The following PCDH7 variants were observed in gnomAD, a reference collection of about 807,000 sequenced individuals.
The protein encoded by PCDH7 is protocadherin-7.
In PCDH7, 17 loss-of-function variants were observed where a neutral mutation model predicts 58.9. The observed-to-expected ratio is 0.29, with a 90% confidence interval of 0.20 to 0.43. The LOEUF is 0.43. Ranked by LOEUF, PCDH7 falls within the 20% of genes least tolerant of loss-of-function variation. The pLI, the probability that PCDH7 is intolerant of heterozygous loss-of-function variation, is 1.00. For missense variants in PCDH7, 1,274 were observed against 1,441.0 expected (o/e 0.88, Z 1.88); for synonymous variants, 664 against 616.4 (o/e 1.08, Z -1.14).
intron 1 of PCDH7, among the ~76,000 whole-genome samples, chr4:30,852,105 T>C (rs1227002775): frequency 6.6e-6 from 1 of 152,128 alleles, no homozygotes; most frequent in Non-Finnish European, 1.5e-5. Flanking sequence ...CAGTATTTTC[T>C]TATGTAAGAA....
chr4:31,075,985 A>G (rs1009914018), intron 3 of PCDH7, among the ~76,000 whole-genome samples: 7 of 152,112 alleles, frequency 4.6e-5, no homozygotes, highest in South Asian at 2.1e-4. Flanking sequence ...AAATTTCCCA[A>G]TGTAGGTTAT....
chr4:30,750,654 CT>C (rs1340688029), intron 1 of PCDH7, among the ~76,000 whole-genome samples: 10 of 152,228 alleles, frequency 6.6e-5, no homozygotes, highest in African/African-American at 1.9e-4. Flanking sequence ...GTTTTTGCCA[CT>C]TTCTACTGTA....
chr4:30,764,595 TGTTAACTTTGAAATACCAGCCTTAG>T (rs1178009622), intron 1 of PCDH7, among the ~76,000 whole-genome samples: 1 of 152,206 alleles, frequency 6.6e-6, no homozygotes, highest in Non-Finnish European at 1.5e-5. Flanking sequence ...AAATGCACTG[TGTTAACTTTGAAATACCAGCCTTAG>T]GTTTCACTAG....
chr4:30,876,185 C>A (rs1354344634), intron 1 of PCDH7, among the ~76,000 whole-genome samples: 3 of 152,050 alleles, frequency 2.0e-5, no homozygotes, highest in African/African-American at 4.8e-5. Flanking sequence ...GCATTAAGAT[C>A]AACCTATAGT....
chr4:30,975,143 TTGTG>T (rs35675648), intron 3 of PCDH7, among the ~76,000 whole-genome samples: 6,615 of 138,730 alleles, frequency 0.048, 190 homozygotes, highest in South Asian at 0.075. Context: ...TTCCCTTTCA[TTGTG>T]TGTGTGTGTG....
intron 3 of PCDH7, among the ~76,000 whole-genome samples, chr4:31,094,093 C>CAA (rs1339886436): frequency 1.3e-5 from 2 of 152,096 alleles, no homozygotes; most frequent in East Asian, 3.8e-4. Context: ...ATAACACTTG[C>CAA]CTCTTTGATA....
chr4:30,995,737 G>GCTTCTGAAGGCTGCCC (rs1300046890), intron 3 of PCDH7, among the ~76,000 whole-genome samples: 4 of 152,074 alleles, frequency 2.6e-5, no homozygotes, highest in Non-Finnish European at 5.9e-5. Context: ...GCCTTTTTCA[G>GCTTCTGAAGGCTGCCC]CTTCTGAAGG....
exon 1 of PCDH7, chr4:30,724,149 A>C (rs1714247265): frequency 2.4e-5 from 39 of 1,614,064 alleles, no homozygotes; most frequent in Non-Finnish European, 3.2e-5. Context: ...CCAAAAATAA[A>C]AATGGCTATG....
chr4:30,805,230 C>A (rs556718731), intron 1 of PCDH7, among the ~76,000 whole-genome samples: 1 of 152,146 alleles, frequency 6.6e-6, no homozygotes, highest in African/African-American at 2.4e-5. Context: ...CTCCCTTGGG[C>A]TCAGTACAAG....
At chr4:31,039,602 C>A (rs1755683513) in intron 3 of PCDH7, among the ~76,000 whole-genome samples, 1 of 152,134 alleles carries the variant, frequency 6.6e-6, no homozygotes, top group Admixed American at 6.6e-5. Context: ...CTACAGTGCC[C>A]AGTCATAGCT....
At chr4:30,831,423 A>G (rs1729760711) in intron 1 of PCDH7, among the ~76,000 whole-genome samples, 1 of 152,162 alleles carries the variant, frequency 6.6e-6, no homozygotes, top group African/African-American at 2.4e-5. Context: ...GAGTATAACA[A>G]CTATACATAG....
chr4:30,788,294 T>G (rs757393310), intron 1 of PCDH7, among the ~76,000 whole-genome samples: 8 of 152,128 alleles, frequency 5.3e-5, no homozygotes, highest in Non-Finnish European at 8.8e-5. Context: ...CATGTTTTTG[T>G]GTAGTCACCA....
intron 1 of PCDH7, among the ~76,000 whole-genome samples, chr4:30,837,694 C>G (rs1446436837): frequency 4.0e-5 from 6 of 151,712 alleles, no homozygotes; most frequent in Non-Finnish European, 8.8e-5. Flanking sequence ...TTCATGAATT[C>G]TCTGAAAAGT....
At chr4:31,119,923 G>C (rs1318181605) in intron 3 of PCDH7, among the ~76,000 whole-genome samples, 6 of 151,656 alleles carry the variant, frequency 4.0e-5, no homozygotes, top group Non-Finnish European at 7.4e-5. Flanking sequence ...GATCTTATCA[G>C]AAAGCTACTG....
intron 1 of PCDH7, among the ~76,000 whole-genome samples, chr4:30,881,690 A>G (rs976653027): frequency 5.9e-5 from 9 of 152,148 alleles, no homozygotes; most frequent in African/African-American, 2.2e-4. Flanking sequence ...AGTGCTTTCA[A>G]TAAGACACCA....
chr4:30,881,798 C>T (rs563780741), intron 1 of PCDH7, among the ~76,000 whole-genome samples: 120 of 152,246 alleles, frequency 7.9e-4, no homozygotes, highest in Admixed American at 1.3e-3. Flanking sequence ...GCGTTCTAAA[C>T]GAACCCTTCA....
At chr4:30,961,822 A>C (rs2109460669) in intron 3 of PCDH7, among the ~76,000 whole-genome samples, 1 of 152,266 alleles carries the variant, frequency 6.6e-6, no homozygotes, top group South Asian at 2.1e-4. Flanking sequence ...AACAGAGTCA[A>C]TTCATCTCAC....
intron 3 of PCDH7, among the ~76,000 whole-genome samples, chr4:31,015,293 G>A (rs1439195426): frequency 6.6e-6 from 1 of 152,008 alleles, no homozygotes; most frequent in Non-Finnish European, 1.5e-5. Context: ...AATCCACATC[G>A]CACTTTATGA....
intron 3 of PCDH7, among the ~76,000 whole-genome samples, chr4:30,965,890 T>A (rs1553920571): frequency 6.6e-6 from 1 of 152,264 alleles, no homozygotes; most frequent in South Asian, 2.1e-4. Context: ...CAAGTTATTA[T>A]GGATAATCTT....
Sources: allele counts gnomAD v4.1 joint callset (sites outside exome capture counted in the v4.1 genomes callset), GRCh38; gene constraint gnomAD v4.1.1; transcripts MANE v1.5; gene names NCBI Gene and HGNC (gene_info 2026-07-23, HGNC 2026-07-21).